The following DIAPH2 variants were observed in gnomAD, a reference collection of about 807,000 sequenced individuals.
The protein encoded by DIAPH2 is diaphanous related formin 2.
A neutral mutation model predicts 92.7 loss-of-function variants in DIAPH2; 35 were observed. The observed-to-expected ratio is 0.38, with a 90% CI of 0.29 to 0.50. The LOEUF is 0.50. Among genes scored for constraint, DIAPH2 ranks in the 20% least tolerant of loss-of-function variants. DIAPH2 has a pLI of 0.94. For synonymous variants in DIAPH2, 301 were observed against 280.4 expected (o/e 1.07, Z -0.73); for missense variants, 701 against 819.5 (o/e 0.86, Z 1.77).
chrX:97,413,688 C>G lies in DIAPH2; in HGVS notation c.3146-15962C>G, dbSNP rs139016948. On this transcript the variant is annotated intron_variant, in intron 25 of 26. Transcript: ENST00000324765. Reference sequence around the variant, plus strand: ...ACTCAAATCTCCATAAGCTGATAATCAACTTCAGCAAAGTTTCAGGATAGA... The same window carrying G: ...ACTCAAATCTCCATAAGCTGATAATGAACTTCAGCAAAGTTTCAGGATAGA... 2.9e-3 allele frequency among the ~76,000 whole-genome samples: 329 copies of G among 112,193 alleles called. 2 individuals are homozygous for G. The highest frequency in any genetic ancestry group is 9.9e-3 in the African/African-American group (305 of 30,879).
intron 22 of DIAPH2, among the ~76,000 whole-genome samples, chrX:97,185,401 A>ATATG: frequency 1.6e-5 from 1 of 62,442 alleles, no homozygotes; most frequent in African/African-American, 8.8e-5. Context: ...ATGTGTATAT[A>ATATG]TATATATATG....
chrX:97,113,274 C>T (rs2066995164), intron 20 of DIAPH2, among the ~76,000 whole-genome samples: 1 of 111,660 alleles, frequency 9.0e-6, no homozygotes, highest in Non-Finnish European at 1.9e-5. Flanking sequence ...TATCTAAAAT[C>T]ATGTGCTGGC....
intron 23 of DIAPH2, among the ~76,000 whole-genome samples, chrX:97,320,422 C>A (rs2068882174): frequency 1.8e-5 from 2 of 110,089 alleles, no homozygotes; most frequent in Admixed American, 2.0e-4. Flanking sequence ...TTAAAATTAT[C>A]TCTCAATTTG....
At chrX:97,351,708 C>T (rs1037608181) in intron 24 of DIAPH2, among the ~76,000 whole-genome samples, 1 of 110,844 alleles carries the variant, frequency 9.0e-6, no homozygotes, top group Admixed American at 9.6e-5. Context: ...GAGGCTGAGG[C>T]AGGAGAATAG....
intron 4 of DIAPH2, among the ~76,000 whole-genome samples, chrX:96,776,864 A>G: frequency 8.9e-6 from 1 of 111,978 alleles, no homozygotes; most frequent in East Asian, 2.8e-4. Flanking sequence ...GAATGCAGTT[A>G]AGGAGAAGGA....
chrX:97,047,308 T>C (rs1231388384), intron 17 of DIAPH2, among the ~76,000 whole-genome samples: 1 of 110,632 alleles, frequency 9.0e-6, no homozygotes, highest in African/African-American at 3.3e-5. Context: ...GAAAATGGAT[T>C]CCGTTGTGTT....
At chrX:97,231,361 A>G (rs2068008484) in intron 22 of DIAPH2, among the ~76,000 whole-genome samples, 1 of 109,093 alleles carries the variant, frequency 9.2e-6, no homozygotes, top group South Asian at 4.1e-4. Context: ...GGAATAGTTC[A>G]GTCATCTCTT....
chrX:97,239,944 G>T (rs2068080046), intron 22 of DIAPH2, among the ~76,000 whole-genome samples: 1 of 109,956 alleles, frequency 9.1e-6, no homozygotes, highest in East Asian at 2.9e-4. Flanking sequence ...TGTAGGCAAA[G>T]ACCTAGTTAA....
chrX:97,435,711 G>T (rs1386051701), intron 26 of DIAPH2, among the ~76,000 whole-genome samples: 1 of 111,074 alleles, frequency 9.0e-6, no homozygotes, highest in African/African-American at 3.3e-5. Context: ...TGCCCTGGCT[G>T]TGTAATTGTA....
intron 25 of DIAPH2, among the ~76,000 whole-genome samples, chrX:97,385,752 A>G (rs562523743): frequency 8.9e-6 from 1 of 112,075 alleles, no homozygotes; most frequent in South Asian, 3.7e-4. Flanking sequence ...AACAACAACA[A>G]CTAACATATA....
At chrX:97,405,581 G>C (rs2069801086) in intron 25 of DIAPH2, among the ~76,000 whole-genome samples, 1 of 111,503 alleles carries the variant, frequency 9.0e-6, no homozygotes, top group Non-Finnish European at 1.9e-5. Context: ...ATGCATTTTA[G>C]AAAAATATTT....
chrX:97,129,147 TTTCTTTTCTTTTCTTTTC>T (rs1467986296), intron 21 of DIAPH2, among the ~76,000 whole-genome samples: 1 of 27,158 alleles, frequency 3.7e-5, no homozygotes, highest in Non-Finnish European at 7.1e-5. Context: ...TTTTCTTTTC[TTTCTTTTCTTTTCTTTTC>T]TTTCTTTTCT....
At chrX:97,125,585 T>G (rs2067088936) in intron 21 of DIAPH2, among the ~76,000 whole-genome samples, 1 of 109,773 alleles carries the variant, frequency 9.1e-6, no homozygotes, top group Non-Finnish European at 1.9e-5. Context: ...TATTTGTGTA[T>G]AGAACTGTAA....
intron 26 of DIAPH2, among the ~76,000 whole-genome samples, chrX:97,444,716 G>A (rs778278105): frequency 9.0e-6 from 1 of 111,655 alleles, no homozygotes; most frequent in Non-Finnish European, 1.9e-5. Flanking sequence ...AGAAATGACA[G>A]CGCTTTGTAC....
chrX:97,027,767 A>G (rs1253224755), intron 17 of DIAPH2, among the ~76,000 whole-genome samples: 1 of 112,373 alleles, frequency 8.9e-6, no homozygotes, highest in Non-Finnish European at 1.9e-5. Flanking sequence ...CATTTCATTC[A>G]TTACTGCACA....
chrX:96,884,122 T>C (rs1053428371), intron 5 of DIAPH2: 1 of 416,475 alleles, frequency 2.4e-6, no homozygotes, highest in Admixed American at 4.3e-5. Context: ...TGCATTCTGG[T>C]AGTTGATTGG....
intron 22 of DIAPH2, among the ~76,000 whole-genome samples, chrX:97,195,482 G>A (rs967403398): frequency 2.7e-5 from 3 of 109,970 alleles, no homozygotes; most frequent in Non-Finnish European, 5.7e-5. Context: ...CCAACATGGT[G>A]AAACCCCGTC....
At chrX:97,119,292 C>T (rs2067038205) in intron 21 of DIAPH2, among the ~76,000 whole-genome samples, 1 of 111,261 alleles carries the variant, frequency 9.0e-6, no homozygotes, top group Non-Finnish European at 1.9e-5. Flanking sequence ...GATGTGGCTT[C>T]CTGAGAGCCG....
chrX:96,882,970 A>AC (rs904987893), intron 5 of DIAPH2, among the ~76,000 whole-genome samples: 57 of 79,329 alleles, frequency 7.2e-4, no homozygotes, highest in African/African-American at 1.8e-3. Context: ...AAAAAAAAAA[A>AC]AAAAAAAAAA....
Sources: gnomAD v4.1 joint callset for allele counts (sites outside exome capture counted in the v4.1 genomes callset) on GRCh38, gnomAD v4.1.1 for gene constraint, MANE v1.5 for transcripts, NCBI Gene and HGNC (gene_info 2026-07-23, HGNC 2026-07-21) for gene names.